The following SHF variants were observed in gnomAD, a reference collection of about 807,000 sequenced individuals.
The protein encoded by SHF is Src homology 2 domain containing F.
A neutral mutation model predicts 42.4 loss-of-function variants in SHF; 30 were observed. The ratio of observed to expected loss-of-function variants is 0.71; its 90% confidence interval spans 0.53 to 0.96. The LOEUF (loss-of-function observed/expected upper bound fraction) is 0.96, where lower values mean the gene tolerates loss of function less well. SHF is among the 40% of genes least tolerant of loss of function. The probability of loss-of-function intolerance (pLI) is 0.00; values close to 1 mark genes in which losing one functional copy is unlikely to be tolerated. For synonymous variants in SHF, 264 were observed against 269.9 expected (o/e 0.98, Z 0.21); for missense variants, 598 against 634.0 (o/e 0.94, Z 0.61).
chr15:45,177,043 A>G (rs1302693940), intron 2 of SHF, among the ~76,000 whole-genome samples: 1 of 152,222 alleles, frequency 6.6e-6, no homozygotes, highest in African/African-American at 2.4e-5. Context: ...GCTCCATGGA[A>G]TAATAGTCCT....
In SHF at chr15:45,172,312, A is replaced by G. The variant is rs145838450; in HGVS notation, c.995T>C (p.Phe332Ser). 3,324 of 1,600,956 alleles carry G rather than the reference A, an allele frequency of 2.1e-3. 7 individuals are homozygous for G. The highest frequency in any genetic ancestry group is 2.5e-3 in the Non-Finnish European group (2,986 of 1,173,364). Residue 332 changes from phenylalanine to serine, a missense_variant, in exon 5 of 7, where the codon TTT becomes TCT. Around this residue, in one of 2 missense-constraint regions of SHF, gnomAD observed 439 missense variants for 524.6 expected, o/e 0.84. Coordinates refer to ENST00000690270, the MANE Select transcript of SHF (RefSeq NM_001394037.1). ...CAGGCAGCTCTTCTCCGGTCCTTCA[A>G]ACTGGGCTGTGGGGAACATATCAAT... is the stretch of plus-strand genomic sequence containing the variant. Reference protein sequence around the residue: ...EPSLEDSSAQFEGPEKSCLSP... With the variant: ...EPSLEDSSAQSEGPEKSCLSP...
At position 45,187,778 on chromosome 15, in the gene SHF, G is replaced by A. The variant is rs1415635281; in HGVS notation, c.174C>T (p.Arg58=). The A allele has an allele frequency of 2.4e-6, 2 of 841,498 alleles. No individual in the cohort carries two copies. Among genetic ancestry groups the A allele is most frequent in the African/African-American group, 1.8e-5 (1 of 55,732 alleles). The allele number at this position is 841,498 out of a possible 1,614,324, so 52.1% of individuals were successfully genotyped here. The stretch of plus-strand genomic sequence containing the variant: ...TGCCCCCTCCGCCGCCGCCCCCCCC[G>A]CGGAAGCCCAGGTGCTCCCGGAGCC... The part of the protein sequence containing the change: ...AKWLREHLGF[R]GGGGGGGGSK... Residue 58 remains arginine, a synonymous_variant, in exon 1 of 7, where the codon CGC becomes CGT. Coordinates refer to ENST00000690270, the MANE Select transcript of SHF (RefSeq NM_001394037.1).
chr15:45,180,469 C>T (rs971897722), intron 1 of SHF, among the ~76,000 whole-genome samples: 2 of 152,244 alleles, frequency 1.3e-5, no homozygotes, highest in African/African-American at 2.4e-5. Context: ...TCAACCAACA[C>T]GTTATCCATA....
intron 2 of SHF, among the ~76,000 whole-genome samples, chr15:45,194,676 C>T (rs1898812795): frequency 6.6e-6 from 1 of 151,902 alleles, no homozygotes; most frequent in Admixed American, 6.6e-5. Context: ...GACTTGGTCC[C>T]ATCAATGTTT....
At chr15:45,188,144 G>A (rs898447406), upstream of SHF, among the ~76,000 whole-genome samples, 1 of 152,124 alleles carries the variant, frequency 6.6e-6, no homozygotes, top group African/African-American at 2.4e-5. Flanking sequence ...GCTTCCAGCC[G>A]GTATGCACAG....
Position 45,187,743 on chromosome 15 carries a change from G to A in SHF, c.209C>T (p.Ala70Val). 2 of 969,980 alleles carry A rather than the reference G, an allele frequency of 2.1e-6. No homozygotes were observed. The highest frequency in any genetic ancestry group is 2.7e-6 in the Non-Finnish European group (2 of 754,444). 60.1% of individuals were successfully genotyped at this position (969,980 alleles called of 1,614,324 possible). A position where few individuals can be genotyped will look rare whatever the true frequency, so the allele number is the denominator to read the frequency against. Reference sequence around the variant, plus strand: ...GGGGCGGTAGTCGGGCTCGGGGGGCGCCGGCTTGCTGCCCCCTCCGCCGCC... The same window carrying A: ...GGGGCGGTAGTCGGGCTCGGGGGGCACCGGCTTGCTGCCCCCTCCGCCGCC... ...GGGGGGGSKP[A>V]PPEPDYRPPA... Residue 70 changes from alanine to valine, a missense_variant, in exon 1 of 7, where the codon GCG becomes GTG. Physicochemically the swap from Ala to Val is moderately conservative, Grantham distance 64. Coordinates refer to ENST00000690270, the MANE Select transcript of SHF (RefSeq NM_001394037.1).
intron 5 of SHF, 38 bp downstream of exon 5, chr15:45,172,109 A>G (rs1351897886): frequency 6.2e-7 from 1 of 1,613,518 alleles, no homozygotes; most frequent in Non-Finnish European, 8.5e-7. Context: ...GGAGGGGAGG[A>G]GTGGGGAGGG....
At chr15:45,198,572 T>A (rs769198782) in intron 2 of SHF, 2 of 558,264 alleles carry the variant, frequency 3.6e-6, no homozygotes, top group Admixed American at 3.6e-5. Flanking sequence ...GGGAAAAAAA[T>A]ACCGAGCCCC....
chr15:45,195,067 A>G (rs1051439434), intron 2 of SHF, among the ~76,000 whole-genome samples: 4 of 151,914 alleles, frequency 2.6e-5, no homozygotes, highest in African/African-American at 9.7e-5. Context: ...CTTGAGTTCA[A>G]GTGATCCTCC....
chr15:45,170,645 CTTTTTTT>C (rs146136602), intron 6 of SHF: 93 of 221,812 alleles, frequency 4.2e-4, no homozygotes, highest in African/African-American at 1.3e-3. Context: ...TTATCTTTTT[CTTTTTTT>C]TTTTTTTTTT....
chr15:45,199,078 C>T (rs1898978699), exon 2 of SHF: 1 of 1,567,582 alleles, frequency 6.4e-7, no homozygotes, highest in Admixed American at 1.9e-5. Context: ...GCTGCATCCT[C>T]CAGCGGTGAC....
exon 2 of SHF, chr15:45,199,058 C>A (rs768629536): frequency 6.3e-7 from 1 of 1,594,534 alleles, no homozygotes; most frequent in Non-Finnish European, 8.6e-7. Flanking sequence ...CCTCACGGGT[C>A]CTCCCTCCTG....
chr15:45,198,089 AT>A (rs981263161), intron 2 of SHF, among the ~76,000 whole-genome samples: 3 of 151,672 alleles, frequency 2.0e-5, no homozygotes, highest in Non-Finnish European at 4.4e-5. Context: ...CTCAAAAACA[AT>A]TTTTTTTAAA....
At chr15:45,182,277 C>T (rs1336706346) in intron 1 of SHF, among the ~76,000 whole-genome samples, 3 of 152,218 alleles carry the variant, frequency 2.0e-5, no homozygotes, top group African/African-American at 7.2e-5. Flanking sequence ...CTCCCACTGC[C>T]CCTTTCCTCT....
chr15:45,172,836 G>A (rs1706818), intron 4 of SHF, among the ~76,000 whole-genome samples: 12 of 150,316 alleles, frequency 8.0e-5, no homozygotes, highest in Admixed American at 4.6e-4. Flanking sequence ...GTCCCTCCCC[G>A]ACCCCCAACG....
At position 45,175,217 on chromosome 15, in the gene SHF, A is replaced by G; in HGVS notation, c.847+2T>C. Reference sequence around the variant, plus strand: ...TGACCTGCCCTCTCCACCAGGACTCACCTGCAAAGGCTTTGGAAATCCGCT... The same window carrying G: ...TGACCTGCCCTCTCCACCAGGACTCGCCTGCAAAGGCTTTGGAAATCCGCT... On this transcript the variant is annotated splice_donor_variant, in intron 3 of 6. Coordinates refer to ENST00000690270, the MANE Select transcript of SHF (RefSeq NM_001394037.1). LOFTEE classifies it high-confidence loss of function. 1 of 1,607,268 alleles carries G rather than the reference A, an allele frequency of 6.2e-7. No homozygotes were observed.
intron 6 of SHF, 59 bp from the exon 7 acceptor site, chr15:45,168,192 C>G: frequency 2.7e-6 from 4 of 1,471,920 alleles, no homozygotes; most frequent in Non-Finnish European, 3.6e-6. Context: ...CCTCATCCAT[C>G]CACCCAGTAA....
chr15:45,188,931 G>A (rs1898613805), upstream of SHF, among the ~76,000 whole-genome samples: 1 of 152,088 alleles, frequency 6.6e-6, no homozygotes, highest in Admixed American at 6.5e-5. Context: ...GGTGGCTCAC[G>A]CCTGTAATCC....
chr15:45,193,604 C>CA (rs1454573847), intron 2 of SHF, among the ~76,000 whole-genome samples: 1 of 152,126 alleles, frequency 6.6e-6, no homozygotes, highest in African/African-American at 2.4e-5. Flanking sequence ...TCATGAGCCT[C>CA]AGAGGGATGA....
Sources: gnomAD v4.1 joint callset for allele counts (sites outside exome capture counted in the v4.1 genomes callset) on GRCh38, gnomAD v4.1.1 for gene constraint, gnomAD v4.1.1 regional missense constraint, MANE v1.5 for transcripts, NCBI Gene and HGNC (gene_info 2026-07-23, HGNC 2026-07-21) for gene names.